BCAP31: variants seen among roughly 807,000 people sequenced by gnomAD.
BCAP31 encodes the protein B-cell receptor-associated protein 31.
For missense variants in BCAP31, 124 were observed against 193.0 expected (o/e 0.64, Z 2.12); for synonymous variants, 75 against 80.9 (o/e 0.93, Z 0.39).
intron 4 of BCAP31, among the ~76,000 whole-genome samples, chrX:153,707,379 A>T (rs1557048478): frequency 9.0e-6 from 1 of 110,633 alleles, no homozygotes; most frequent in East Asian, 2.8e-4. Context: ...AGCTAAAAAA[A>T]AAAAGGGGGG....
intron 4 of BCAP31, among the ~76,000 whole-genome samples, chrX:153,706,753 T>G (rs1222187778): frequency 1.8e-5 from 2 of 111,878 alleles, no homozygotes; most frequent in African/African-American, 6.5e-5. Flanking sequence ...GTGTAGCCCC[T>G]GCTGTAGTGG....
At chrX:153,721,038 G>T in intron 2 of BCAP31, 66 bp from the exon 3 acceptor site, 1 of 988,613 alleles carries the variant, frequency 1.0e-6, no homozygotes, top group Non-Finnish European at 1.4e-6. Context: ...AGGGCCCTGA[G>T]CAAAATGGAA....
At chrX:153,704,281 C>T (rs782525585) in intron 4 of BCAP31, among the ~76,000 whole-genome samples, 187 bp from the exon 5 acceptor site, 1 of 112,213 alleles carries the variant, frequency 8.9e-6, no homozygotes, top group African/African-American at 3.2e-5. Flanking sequence ...GCCCAGGAGC[C>T]GTCCTCTGCC....
At chrX:153,702,563 C>T (rs1431660163) in intron 6 of BCAP31, 3 of 179,414 alleles carry the variant, frequency 1.7e-5, no homozygotes, top group East Asian at 2.7e-4. Context: ...GCTTGGGAGC[C>T]GCCCACTCCC....
chrX:153,714,911 T>C (rs1276000617), intron 4 of BCAP31, among the ~76,000 whole-genome samples: 1 of 111,459 alleles, frequency 9.0e-6, no homozygotes, highest in African/African-American at 3.3e-5. Context: ...AGAACGGCTA[T>C]GTGAAGCAGG....
At chrX:153,716,431 A>G (rs2091628217) in intron 3 of BCAP31, among the ~76,000 whole-genome samples, 1 of 108,739 alleles carries the variant, frequency 9.2e-6, no homozygotes, top group Admixed American at 9.9e-5. Flanking sequence ...TGCTCCGGGG[A>G]CCTAAGGTGC....
At chrX:153,723,096 G>C in intron 2 of BCAP31, 57 bp downstream of exon 2, 1 of 1,182,793 alleles carries the variant, frequency 8.5e-7, no homozygotes, top group East Asian at 3.0e-5. Context: ...ACCAGTCCCA[G>C]GGCTAGGGCA....
chrX:153,715,535 C>CA lies in BCAP31; in HGVS notation c.341+6dup. 2.5e-6 allele frequency: 3 copies of CA among 1,210,740 alleles called. No individual in the cohort carries two copies. The highest frequency in any genetic ancestry group is 3.4e-6 in the Non-Finnish European group (3 of 894,760). On this transcript the variant is annotated splice_region_variant and intron_variant, in intron 4 of 7. Coordinates refer to ENST00000345046, the MANE Select transcript of BCAP31 (RefSeq NM_001256447.2). ...CACAGCACCTGCCCCCTCAACCCCC[C>CA]ACTCACAAGGACAGCAGCAAGGAAA...
chrX:153,712,282 C>T (rs1557049287), intron 4 of BCAP31, among the ~76,000 whole-genome samples: 1 of 110,746 alleles, frequency 9.0e-6, no homozygotes, highest in Non-Finnish European at 1.9e-5. Flanking sequence ...ATTAGCAGCA[C>T]GTGGTGGCAC....
At position 153,715,805 on chromosome X, in the gene BCAP31, T is replaced by C. The variant is rs982611278; in HGVS notation, c.194-116A>G. On this transcript the variant is annotated intron_variant, in intron 3 of 7. Transcript: ENST00000345046. ...CAGACTCACTTCCCTCAAATCCGCC[T>C]CCCCAGTTCTTCCCACTTCTATGCA... 7.8e-6 allele frequency: 7 copies of C among 894,225 alleles called. No individual in the cohort carries two copies. In the African/African-American group the frequency reaches 1.2e-4, roughly 15 times the overall value. The allele number at this position is 894,225 out of a possible 1,213,427, so 73.7% of individuals were successfully genotyped here.
At chrX:153,723,126 C>T (rs1557051423) in intron 2 of BCAP31, 27 bp downstream of exon 2, 3 of 1,202,749 alleles carry the variant, frequency 2.5e-6, no homozygotes, top group Non-Finnish European at 3.4e-6. Context: ...TCCTGCCTAA[C>T]TCGCCTGCTT....
At chrX:153,723,910 G>C in intron 1 of BCAP31, 1 of 500,837 alleles carries the variant, frequency 2.0e-6, no homozygotes, top group South Asian at 2.5e-5. Flanking sequence ...ACTCCTAGAG[G>C]GCAGGATTCG....
chrX:153,701,181 C>T (rs1229988342), intron 7 of BCAP31, among the ~76,000 whole-genome samples: 2 of 112,436 alleles, frequency 1.8e-5, no homozygotes, highest in African/African-American at 6.5e-5. Flanking sequence ...CTAGGGAAAG[C>T]CCTGGACCTA....
chrX:153,714,939 C>G (rs1369354239), intron 4 of BCAP31, among the ~76,000 whole-genome samples: 1 of 111,389 alleles, frequency 9.0e-6, no homozygotes, highest in Non-Finnish European at 1.9e-5. Context: ...AAACAGGGCC[C>G]CAGGCTCAAA....
intron 3 of BCAP31, among the ~76,000 whole-genome samples, chrX:153,719,051 T>C (rs1557050574): frequency 8.9e-6 from 1 of 112,049 alleles, no homozygotes; most frequent in East Asian, 2.8e-4. Context: ...CAGCCAGTCA[T>C]CATGGCCATA....
chrX:153,723,841 C>A (rs1398343165), intron 1 of BCAP31: 1 of 663,306 alleles, frequency 1.5e-6, no homozygotes, highest in East Asian at 3.6e-5. Context: ...CCTCGAGGAT[C>A]CAGCGGCCTT....
intron 4 of BCAP31, among the ~76,000 whole-genome samples, chrX:153,710,036 T>C (rs1353603895): frequency 8.9e-6 from 1 of 112,419 alleles, no homozygotes; most frequent in Non-Finnish European, 1.9e-5. Context: ...AGGTGCCGGC[T>C]GGGCCGGCAG....
chrX:153,709,640 T>C (rs1258730525), intron 4 of BCAP31, among the ~76,000 whole-genome samples: 9 of 112,593 alleles, frequency 8.0e-5, no homozygotes, highest in Non-Finnish European at 1.1e-4. Flanking sequence ...TCCAGTGTGG[T>C]CCCCTGGAGG....
intron 1 of BCAP31, chrX:153,723,648 G>A (rs1257952911): frequency 5.2e-6 from 6 of 1,162,732 alleles, no homozygotes; most frequent in Non-Finnish European, 5.7e-6. Context: ...CCAAGAGGAG[G>A]ACGCCTCGGC....
Sources: allele counts gnomAD v4.1 joint callset (sites outside exome capture counted in the v4.1 genomes callset), GRCh38; gene constraint gnomAD v4.1.1; transcripts MANE v1.5; gene names NCBI Gene and HGNC (gene_info 2026-07-23, HGNC 2026-07-21).